Variants in PRB3 observed in about 807,000 individuals in gnomAD.
PRB3 encodes basic salivary proline-rich protein 3.
PRB3 carries 9 observed loss-of-function variants against 10.0 expected under a neutral mutation model. That is an observed-to-expected ratio of 0.90 (90% CI 0.54 to 1.57). The LOEUF is 1.57. PRB3 is among the 40% of genes most tolerant of loss of function. The pLI, the probability that PRB3 is intolerant of heterozygous loss-of-function variation, is 0.00. For missense variants in PRB3, 285 were observed against 385.5 expected, an observed-to-expected ratio of 0.74 and a Z score of 2.18; for synonymous variants, 89 against 138.6, an observed-to-expected ratio of 0.64 and a Z score of 2.52.
At chr12:11,269,572 A>C in intron 1 of PRB3, 34 bp downstream of exon 1, 1 of 1,611,644 alleles carries the variant, frequency 6.2e-7, no homozygotes, top group Non-Finnish European at 8.5e-7. Context: ...AGCCCCAAGC[A>C]GAGTCACCAC....
Position 11,267,176 on chromosome 12 carries a change from C to CT in PRB3, c.*16dup. ...GGTGAAGAATAAACTGGAATCATAC[C>CT]TGTCATTGAACCTTGATTACTGGGG... On this transcript the variant is annotated splice_region_variant and 3_prime_UTR_variant, in exon 3 of 4. Coordinates refer to ENST00000538488, the MANE Select transcript of PRB3 (RefSeq NM_001394862.1). 1 of 1,596,754 alleles carries CT rather than the reference C, an allele frequency of 6.3e-7. No homozygotes were observed. The highest frequency in any genetic ancestry group is 8.6e-7 in the Non-Finnish European group (1 of 1,164,346).
Position 11,269,639 on chromosome 12 carries a change from G to A in PRB3, c.31C>T (p.Leu11=), listed in dbSNP as rs544956611. MLLILLSVAL[L]ALSSAQSLNE... is the part of the protein sequence containing the mutation. The stretch of plus-strand genomic sequence containing the variant: ...AAGCTCTGAGCTGAGCTCAGGGCCA[G>A]CAGGGCCACCGACAGCAGAATCAGT... Residue 11 remains leucine (L), a synonymous_variant, in exon 1 of 4, where the codon CTG becomes TTG. Coordinates refer to ENST00000538488, the MANE Select transcript of PRB3 (RefSeq NM_001394862.1). 188 of 1,614,106 alleles carry A rather than the reference G, an allele frequency of 1.2e-4. 3 individuals carry two copies. The South Asian group carries it at 2.0e-3, about 17-fold the overall frequency.
At chr12:11,268,545 A>T (rs1354210178) in intron 2 of PRB3, 88 bp downstream of exon 2, 3 of 1,470,238 alleles carry the variant, frequency 2.0e-6, no homozygotes, top group African/African-American at 1.4e-5. Flanking sequence ...TTCTAAAGGA[A>T]AATGTTGGTG....
At position 11,267,431 on chromosome 12, in the gene PRB3, T is replaced by A; in HGVS notation, c.818A>T (p.Gln273Leu). ...RPGKPEGPPS[Q>L]GGNKPQGPPP... ...GGGACCTTGAGGTTTGTTGCCTCCT[T>A]GTGAAGGTGGTCCTTCTGGCTTTCC... Residue 273 changes from glutamine (Q) to leucine (L), a missense_variant, in exon 3 of 4, where the codon CAA (glutamine) becomes CTA (leucine). By Grantham distance (113) the Gln-to-Leu change is moderately radical. Around this residue, in one of 3 missense-constraint regions of PRB3, gnomAD observed 108 missense variants for 106.9 expected, o/e 1.01. Transcript: ENST00000538488. 6.4e-7 allele frequency: 1 copy of A among 1,563,974 alleles called. No homozygotes were observed. Among genetic ancestry groups the A allele is most frequent in the South Asian group, 1.2e-5 (1 of 82,882 alleles).
intron 1 of PRB3, chr12:11,268,877 A>G: frequency 3.1e-6 from 2 of 637,186 alleles, no homozygotes; most frequent in Non-Finnish European, 2.8e-6. Context: ...CATGAACTCA[A>G]TATAGAAGAG....
intron 1 of PRB3, 117 bp downstream of exon 1, chr12:11,269,489 G>C: frequency 8.1e-7 from 1 of 1,241,864 alleles, no homozygotes; most frequent in Non-Finnish European, 1.2e-6. Context: ...CTGATCCTAG[G>C]CATGAAACCT....
rs766173492 is a variant in PRB3, at chr12:11,267,327, G to T, written c.922C>A (p.Pro308Thr). ...KPQRPPPPGR[P>T]QGPPPPGGNP... ...CCTCCTGGTGGGGGTGGTCCTTGTG[G>T]CCTTCCTGGAGGAGGGGGACGTTGA... The change falls in exon 3 of 4, where the codon CCA becomes ACA. Residue 308 changes from proline (P) to threonine (T), a missense_variant. By Grantham distance (38) the Pro-to-Thr change is conservative. Coordinates refer to ENST00000538488, the MANE Select transcript of PRB3 (RefSeq NM_001394862.1). The T allele has an allele frequency of 2.0e-5, 32 of 1,611,478 alleles. No individual in the cohort carries two copies. Among genetic ancestry groups the T allele is most frequent in the Non-Finnish European group, 2.2e-5 (26 of 1,178,662 alleles).
chr12:11,268,879 A>G, intron 1 of PRB3: 1 of 633,224 alleles, frequency 1.6e-6, no homozygotes, highest in Non-Finnish European at 2.8e-6. Flanking sequence ...TGAACTCAAT[A>G]TAGAAGAGCC....
chr12:11,269,638 A>G lies in PRB3; in HGVS notation c.32T>C (p.Leu11Pro). The G allele has an allele frequency of 2.5e-6, 4 of 1,614,124 alleles. No homozygotes were observed. Among genetic ancestry groups the G allele is most frequent in the Non-Finnish European group, 3.4e-6 (4 of 1,179,966 alleles). Residue 11 changes from leucine (L) to proline (P), a missense_variant, in exon 1 of 4, where the codon CTG becomes CCG. Physicochemically the swap from Leu to Pro is moderately conservative, Grantham distance 98. Around this residue, in one of 3 missense-constraint regions of PRB3, gnomAD observed 147 missense variants for 129.4 expected, o/e 1.14. Transcript: ENST00000538488. MLLILLSVAL[L>P]ALSSAQSLNE... is the part of the protein sequence containing the mutation. ...TAAGCTCTGAGCTGAGCTCAGGGCC[A>G]GCAGGGCCACCGACAGCAGAATCAG... is the stretch of plus-strand genomic sequence containing the variant.
intron 1 of PRB3, 125 bp from the exon 2 acceptor site, chr12:11,268,793 T>TTCACAGATGGTAGCTG: frequency 1.7e-6 from 2 of 1,162,686 alleles, no homozygotes; most frequent in Non-Finnish European, 2.6e-6. Flanking sequence ...GCTCATCAGC[T>TTCACAGATGGTAGCTG]ACCATCTGTG....
At chr12:11,268,809 G>A (rs1273604947) in intron 1 of PRB3, 141 bp from the exon 2 acceptor site, 2 of 1,057,316 alleles carry the variant, frequency 1.9e-6, no homozygotes, top group Non-Finnish European at 2.9e-6. Flanking sequence ...CTGTGAAGCT[G>A]CTGGAAGGGG....
intron 3 of PRB3, 123 bp downstream of exon 3, chr12:11,267,053 A>G: frequency 2.9e-6 from 3 of 1,021,858 alleles, no homozygotes; most frequent in Non-Finnish European, 4.6e-6. Flanking sequence ...CTGAATACAA[A>G]TCTTTAGAAA....
chr12:11,266,533 A>T (rs1021145052), intron 3 of PRB3, among the ~76,000 whole-genome samples: 2 of 152,204 alleles, frequency 1.3e-5, no homozygotes, highest in African/African-American at 4.8e-5. Flanking sequence ...ATACCTGCAT[A>T]TAAGTTATGG....
At position 11,267,186 on chromosome 12, in the gene PRB3, A is replaced by T. The variant is rs1370353216; in HGVS notation, c.*7T>A. On this transcript the variant is annotated 3_prime_UTR_variant, in exon 3 of 4. Transcript: ENST00000538488. The stretch of plus-strand genomic sequence containing the variant: ...AAACTGGAATCATACCTGTCATTGA[A>T]CCTTGATTACTGGGGAGGCTGTCCC... 1.2e-6 allele frequency: 2 copies of T among 1,605,410 alleles called. No individual in the cohort carries two copies. Among genetic ancestry groups the T allele is most frequent in the South Asian group, 2.2e-5 (2 of 90,874 alleles).
Position 11,268,004 on chromosome 12 carries a change from G to T in PRB3, c.245C>A (p.Pro82His). ...PPRPGKPEGP[P>H]PQGGNQSQGP... Reference sequence around the variant, plus strand: ...TTGGGACTGGTTTCCTCCTTGTGGGGGTGGTCCTTCTGGCTTTCCTGGACG... The same window carrying T: ...TTGGGACTGGTTTCCTCCTTGTGGGTGTGGTCCTTCTGGCTTTCCTGGACG... Residue 82 changes from proline to histidine, a missense_variant, in exon 3 of 4, where the codon CCC (proline) becomes CAC (histidine). Pro to His is a moderately conservative substitution (Grantham distance 77, BLOSUM62 -2). This residue lies in a region of PRB3 where 147 missense variants were observed against 129.4 expected (regional missense o/e 1.14). Transcript: ENST00000538488. The T allele has an allele frequency of 6.3e-7, 1 of 1,593,298 alleles. No homozygotes were observed. Among genetic ancestry groups the T allele is most frequent in the Middle Eastern group, 1.7e-4 (1 of 5,968 alleles).
chr12:11,267,519 C>CCGGACGAGGTGGGGGACCT lies in PRB3; in HGVS notation c.729_730insAGGTCCCCCACCTCGTCCG (p.Gly244ArgfsTer60). ...TGTGGGGGTGGTCCTTCTGGCTTTC[C>CCGGACGAGGTGGGGGACCT]TGGACGAGGTGGGGGACCTTGAGGT... On this transcript the variant is annotated frameshift_variant, in exon 3 of 4. Coordinates refer to ENST00000538488, the MANE Select transcript of PRB3 (RefSeq NM_001394862.1). LOFTEE classifies it low-confidence loss of function (END_TRUNC). The CCGGACGAGGTGGGGGACCT allele has an allele frequency of 5.1e-6, 1 of 195,654 alleles. No individual in the cohort carries two copies. The highest frequency in any genetic ancestry group is 9.4e-6 in the Non-Finnish European group (1 of 106,228). 12.1% of individuals were successfully genotyped at this position (195,654 alleles called of 1,614,324 possible). A position where few individuals can be genotyped will look rare whatever the true frequency, so the allele number is the denominator to read the frequency against.
chr12:11,267,209 C>A lies in PRB3; in HGVS notation c.1040G>T (p.Gly347Val), dbSNP rs760108848. 4 of 1,613,676 alleles carry A rather than the reference C, an allele frequency of 2.5e-6. No homozygotes were observed. The East Asian group carries it at 6.7e-5, about 27-fold the overall frequency. Residue 347 changes from glycine (G) to valine (V), a missense_variant, in exon 3 of 4, where the codon GGA (glycine) becomes GTA (valine). By Grantham distance (109) the Gly-to-Val change is moderately radical. Around this residue, in one of 3 missense-constraint regions of PRB3, gnomAD observed 108 missense variants for 106.9 expected, o/e 1.01. Coordinates refer to ENST00000538488, the MANE Select transcript of PRB3 (RefSeq NM_001394862.1). ...GAACCTTGATTACTGGGGAGGCTGTCCCTGGGGAGGTCTGTGTGGTCTGCC... is the reference window on the plus strand; with the variant it reads ...GAACCTTGATTACTGGGGAGGCTGTACCTGGGGAGGTCTGTGTGGTCTGCC... ...QGGRPHRPPQ[G>V]QPPQ
chr12:11,267,301 G>A lies in PRB3; in HGVS notation c.948C>T (p.Gly316=), dbSNP rs773760279. 1.5e-5 allele frequency: 24 copies of A among 1,612,706 alleles called. No homozygotes were observed. The East Asian group carries it at 4.9e-4, about 33-fold the overall frequency. Residue 316 remains glycine, a synonymous_variant, in exon 3 of 4, where the codon GGC becomes GGT. Transcript: ENST00000538488. ...GAGGTGGCAGAGGCTGCTGGGGATT[G>A]CCTCCTGGTGGGGGTGGTCCTTGTG... is the stretch of plus-strand genomic sequence containing the variant. ...GRPQGPPPPG[G]NPQQPLPPPA...
intron 3 of PRB3, among the ~76,000 whole-genome samples, chr12:11,266,292 T>C (rs893015337): frequency 6.6e-6 from 1 of 152,210 alleles, no homozygotes; most frequent in Non-Finnish European, 1.5e-5. Flanking sequence ...TTGAATTTGT[T>C]CAGGGATATA....
Sources: gnomAD v4.1 joint callset for allele counts (sites outside exome capture counted in the v4.1 genomes callset) on GRCh38, gnomAD v4.1.1 for gene constraint, gnomAD v4.1.1 regional missense constraint, MANE v1.5 for transcripts, NCBI Gene and HGNC (gene_info 2026-07-23, HGNC 2026-07-21) for gene names.